The following C11orf87 variants were observed in gnomAD, a reference collection of about 807,000 sequenced individuals.
C11orf87 encodes the protein chromosome 11 open reading frame 87.
C11orf87 carries 3 observed loss-of-function variants against 9.2 expected under a neutral mutation model. The observed-to-expected ratio is 0.33, with a 90% confidence interval of 0.15 to 0.84. C11orf87 has a LOEUF of 0.84. C11orf87 is among the 40% of genes least tolerant of loss of function. The pLI is 0.55. For missense variants in C11orf87, 256 were observed against 270.7 expected (o/e 0.95, Z 0.38); for synonymous variants, 124 against 124.6 (o/e 1.00, Z 0.03).
At position 109,426,325 on chromosome 11, in the gene C11orf87, A is replaced by C. The variant is rs1378488345; in HGVS notation, c.*2098A>C. 1 of 152,238 alleles carries C rather than the reference A, an allele frequency of 6.6e-6. No individual in the cohort carries two copies. Among genetic ancestry groups the C allele is most frequent in the African/African-American group, 2.4e-5 (1 of 41,464 alleles). 9.4% of individuals were successfully genotyped at this position (152,238 alleles called of 1,614,324 possible). On this transcript the variant is annotated 3_prime_UTR_variant, in exon 2 of 2. Transcript: ENST00000327419. ...AGCAACTCATTGTTCTAAATTGTCTACTTGGTCCAGACATATGTGCTCTTA... is the reference window on the plus strand; with the variant it reads ...AGCAACTCATTGTTCTAAATTGTCTCCTTGGTCCAGACATATGTGCTCTTA...
At position 109,422,722 on chromosome 11, in the gene C11orf87, C is replaced by CTTT. The variant is rs772868114; in HGVS notation, c.-260+483_-260+485dup. On this transcript the variant is annotated intron_variant, in intron 1 of 1. Transcript: ENST00000327419. Reference sequence around the variant, plus strand: ...TCAGCTGAGAAAGATGCTTCAGCTGCTTTTTTTTTTTTTTTTTTTTTTTTT... The same window carrying CTTT: ...TCAGCTGAGAAAGATGCTTCAGCTGCTTTTTTTTTTTTTTTTTTTTTTTTTTTT... Among the ~76,000 whole-genome samples, 423 of 71,418 alleles carry CTTT rather than the reference C, an allele frequency of 5.9e-3. 56 individuals are homozygous for CTTT. Among genetic ancestry groups the CTTT allele is most frequent in the East Asian group, 0.029 (52 of 1,816 alleles). 46.9% of individuals were successfully genotyped at this position (71,418 alleles called of 152,430 possible). A position where few individuals can be genotyped will look rare whatever the true frequency, so the allele number is the denominator to read the frequency against.
Position 109,423,831 on chromosome 11 carries a change from C to T in C11orf87, c.198C>T (p.Val66=), listed in dbSNP as rs990484153. ...QSFSSTLVLI[V]LVTLIFCLIV... ...TCTCCTCCACGCTGGTGCTGATTGT[C>T]CTGGTTACCCTCATCTTCTGCCTCA... is the stretch of plus-strand genomic sequence containing the variant. Residue 66 remains valine, a synonymous_variant, in exon 2 of 2, where the codon GTC becomes GTT. Coordinates refer to ENST00000327419, the MANE Select transcript of C11orf87 (RefSeq NM_207645.4). The surrounding 1 kb of genome is among the most constrained non-coding windows in gnomAD (Gnocchi z 5.3). The T allele has an allele frequency of 2.1e-5, 34 of 1,614,020 alleles. No homozygotes were observed. The highest frequency in any genetic ancestry group is 2.2e-5 in the East Asian group (1 of 44,882).
At position 109,424,229 on chromosome 11, in the gene C11orf87, C is replaced by G. The variant is rs778774025; in HGVS notation, c.*2C>G. ...TTGCAAACGGTGGTACTGTCCTGAT[C>G]GTCTAGCCCCTCTCGTTCCCCGTCC... On this transcript the variant is annotated 3_prime_UTR_variant, in exon 2 of 2. Transcript: ENST00000327419. This position sits in a 1 kb window ranked among gnomAD's most constrained non-coding sequence, Gnocchi z 4.7. The G allele has an allele frequency of 3.1e-6, 5 of 1,606,378 alleles. No individual in the cohort carries two copies. Among genetic ancestry groups the G allele is most frequent in the Non-Finnish European group, 4.3e-6 (5 of 1,175,606 alleles).
In C11orf87 at chr11:109,427,441, A is replaced by G. The variant is rs1860588491; in HGVS notation, c.*3214A>G. The G allele has an allele frequency of 6.6e-6, 1 of 152,184 alleles. No homozygotes were observed. Among genetic ancestry groups the G allele is most frequent in the African/African-American group, 2.4e-5 (1 of 41,468 alleles). 9.4% of individuals were successfully genotyped at this position (152,184 alleles called of 1,614,324 possible). A position where few individuals can be genotyped will look rare whatever the true frequency, so the allele number is the denominator to read the frequency against. On this transcript the variant is annotated 3_prime_UTR_variant, in exon 2 of 2. Transcript: ENST00000327419. ...AAATTATTTCAATAAGCACATATCCAAGCAATTTGTACAGACCTTGTTTAA... is the reference window on the plus strand; with the variant it reads ...AAATTATTTCAATAAGCACATATCCGAGCAATTTGTACAGACCTTGTTTAA...
At position 109,425,343 on chromosome 11, in the gene C11orf87, T is replaced by A. The variant is rs1404924020; in HGVS notation, c.*1116T>A. Reference sequence around the variant, plus strand: ...ACTGAAAGTGCAGTATCTAACCAACTAGAACGTTTGTTTTATTTTTAGAAC... The same window carrying A: ...ACTGAAAGTGCAGTATCTAACCAACAAGAACGTTTGTTTTATTTTTAGAAC... On this transcript the variant is annotated 3_prime_UTR_variant, in exon 2 of 2. Coordinates refer to ENST00000327419, the MANE Select transcript of C11orf87 (RefSeq NM_207645.4). The A allele has an allele frequency of 1.2e-5, 2 of 167,008 alleles. No individual in the cohort carries two copies. Among genetic ancestry groups the A allele is most frequent in the African/African-American group, 4.8e-5 (2 of 41,436 alleles). The allele number at this position is 167,008 out of a possible 1,614,324, so 10.3% of individuals were successfully genotyped here.
chr11:109,422,915 G>A (rs958060691), intron 1 of C11orf87, among the ~76,000 whole-genome samples: 5 of 151,660 alleles, frequency 3.3e-5, no homozygotes, highest in African/African-American at 9.7e-5. Flanking sequence ...GAGTCTGGAC[G>A]GGGAGGGAAA....
In C11orf87 at chr11:109,424,177, T is replaced by C; in HGVS notation, c.544T>C (p.Cys182Arg). The C allele has an allele frequency of 6.2e-7, 1 of 1,614,216 alleles. No individual in the cohort carries two copies. Among genetic ancestry groups the C allele is most frequent in the Non-Finnish European group, 8.5e-7 (1 of 1,180,044 alleles). Residue 182 changes from cysteine to arginine, a missense_variant, in exon 2 of 2, where the codon TGT (cysteine) becomes CGT (arginine). Coordinates refer to ENST00000327419, the MANE Select transcript of C11orf87 (RefSeq NM_207645.4). This position sits in a 1 kb window ranked among gnomAD's most constrained non-coding sequence, Gnocchi z 4.7. The part of the protein sequence containing the change: ...SPQGAHAASS[C>R]LDTAGEGLLQ... ...CCAAGGAGCACACGCAGCTTCCTCC[T>C]GTTTGGACACAGCTGGCGAGGGCCT... is the stretch of plus-strand genomic sequence containing the variant.
chr11:109,428,833 T>G lies in C11orf87; in HGVS notation c.*4606T>G, dbSNP rs937289931. On this transcript the variant is annotated 3_prime_UTR_variant, in exon 2 of 2. Coordinates refer to ENST00000327419, the MANE Select transcript of C11orf87 (RefSeq NM_207645.4). ...CAACCTAATAATACAATTGGTGTCA[T>G]GTATGAATGCTTAGCTGACAATAAG... The G allele has an allele frequency of 1.3e-5, 2 of 152,212 alleles. No individual in the cohort carries two copies. Among genetic ancestry groups the G allele is most frequent in the South Asian group, 4.1e-4 (2 of 4,830 alleles). 9.4% of individuals were successfully genotyped at this position (152,212 alleles called of 1,614,324 possible).
At chr11:109,422,333 G>A (rs1451126862) in intron 1 of C11orf87, 70 bp downstream of exon 1, 2 of 166,100 alleles carry the variant, frequency 1.2e-5, no homozygotes, top group Non-Finnish European at 2.6e-5. Context: ...GAGTGGGGAG[G>A]ACAGCTCACG....
Position 109,428,407 on chromosome 11 carries a change from G to C in C11orf87, c.*4180G>C, listed in dbSNP as rs1057363303. The C allele has an allele frequency of 1.3e-5, 2 of 152,064 alleles. No homozygotes were observed. The highest frequency in any genetic ancestry group is 2.9e-5 in the Non-Finnish European group (2 of 67,964). The allele number at this position is 152,064 out of a possible 1,614,324, so 9.4% of individuals were successfully genotyped here. A position where few individuals can be genotyped will look rare whatever the true frequency, so the allele number is the denominator to read the frequency against. On this transcript the variant is annotated 3_prime_UTR_variant, in exon 2 of 2. Coordinates refer to ENST00000327419, the MANE Select transcript of C11orf87 (RefSeq NM_207645.4). ...CTATCTGTATCAATTGTATTAATTA[G>C]ATAATGGTTAAATTTTTATTTTTTT...
chr11:109,425,666 C>A lies in C11orf87; in HGVS notation c.*1439C>A, dbSNP rs1287378368. 1 of 156,544 alleles carries A rather than the reference C, an allele frequency of 6.4e-6. No individual in the cohort carries two copies. Among genetic ancestry groups the A allele is most frequent in the Non-Finnish European group, 1.5e-5 (1 of 68,052 alleles). The allele number at this position is 156,544 out of a possible 1,614,324, so 9.7% of individuals were successfully genotyped here. On this transcript the variant is annotated 3_prime_UTR_variant, in exon 2 of 2. Coordinates refer to ENST00000327419, the MANE Select transcript of C11orf87 (RefSeq NM_207645.4). ...CAGAAACAAACAAATAATGGATGTG[C>A]AAGAATGCCATCTATTAAAAACATG...
At chr11:109,422,521 A>G (rs1860505050) in intron 1 of C11orf87, among the ~76,000 whole-genome samples, 1 of 152,128 alleles carries the variant, frequency 6.6e-6, no homozygotes, top group Admixed American at 6.5e-5. Flanking sequence ...AGTATGCCGG[A>G]AAAGCCTCGG....
At position 109,424,465 on chromosome 11, in the gene C11orf87, TTTATA is replaced by T. The variant is rs1860543808; in HGVS notation, c.*239_*243del. On this transcript the variant is annotated 3_prime_UTR_variant, in exon 2 of 2. Transcript: ENST00000327419. This position sits in a 1 kb window ranked among gnomAD's most constrained non-coding sequence, Gnocchi z 4.7. Reference sequence around the variant, plus strand: ...CGCTGATAATAATACTTTATTAATATTTATAGTAATTATTATAATACTAATAACAC... The same window carrying T: ...CGCTGATAATAATACTTTATTAATATGTAATTATTATAATACTAATAACAC... 1 of 294,570 alleles carries T rather than the reference TTTATA, an allele frequency of 3.4e-6. No individual in the cohort carries two copies. Among genetic ancestry groups the T allele is most frequent in the African/African-American group, 2.2e-5 (1 of 45,256 alleles). The allele number at this position is 294,570 out of a possible 1,614,324, so 18.2% of individuals were successfully genotyped here. A position where few individuals can be genotyped will look rare whatever the true frequency, so the allele number is the denominator to read the frequency against.
rs1487226646 is a variant in C11orf87 at position 109,428,409 on chromosome 11, T to C, written c.*4182T>C. On this transcript the variant is annotated 3_prime_UTR_variant, in exon 2 of 2. Coordinates refer to ENST00000327419, the MANE Select transcript of C11orf87 (RefSeq NM_207645.4). ...ATCTGTATCAATTGTATTAATTAGA[T>C]AATGGTTAAATTTTTATTTTTTTAT... 1 of 152,176 alleles carries C rather than the reference T, an allele frequency of 6.6e-6. No individual in the cohort carries two copies. The highest frequency in any genetic ancestry group is 2.4e-5 in the African/African-American group (1 of 41,456). The allele number at this position is 152,176 out of a possible 1,614,324, so 9.4% of individuals were successfully genotyped here.
rs1185438791 is a variant in C11orf87, at chr11:109,427,215, T to C, written c.*2988T>C. 6.6e-6 allele frequency: 1 copy of C among 152,214 alleles called. No individual in the cohort carries two copies. Among genetic ancestry groups the C allele is most frequent in the African/African-American group, 2.4e-5 (1 of 41,458 alleles). 9.4% of individuals were successfully genotyped at this position (152,214 alleles called of 1,614,324 possible). A position where few individuals can be genotyped will look rare whatever the true frequency, so the allele number is the denominator to read the frequency against. On this transcript the variant is annotated 3_prime_UTR_variant, in exon 2 of 2. Coordinates refer to ENST00000327419, the MANE Select transcript of C11orf87 (RefSeq NM_207645.4). ...CTGTAATACACTTTTATTGTGCAAC[T>C]TTAAATGTGTGTGCCTTTCTCCATT...
rs1476879700 is a variant in C11orf87 at position 109,426,290 on chromosome 11, C to G, written c.*2063C>G. On this transcript the variant is annotated 3_prime_UTR_variant, in exon 2 of 2. Coordinates refer to ENST00000327419, the MANE Select transcript of C11orf87 (RefSeq NM_207645.4). Reference sequence around the variant, plus strand: ...AAGGCAACAGTGCCCCTATGAGCATCCCTCTCCCAAGCAACTCATTGTTCT... The same window carrying G: ...AAGGCAACAGTGCCCCTATGAGCATGCCTCTCCCAAGCAACTCATTGTTCT... The G allele has an allele frequency of 6.6e-6, 1 of 152,190 alleles. No individual in the cohort carries two copies. The highest frequency in any genetic ancestry group is 1.9e-4 in the East Asian group (1 of 5,188). The allele number at this position is 152,190 out of a possible 1,614,324, so 9.4% of individuals were successfully genotyped here.
At position 109,423,962 on chromosome 11, in the gene C11orf87, G is replaced by A. The variant is rs1860533133; in HGVS notation, c.329G>A (p.Arg110His). The change falls in exon 2 of 2, where the codon CGC becomes CAC. Residue 110 changes from arginine to histidine, a missense_variant. Physicochemically the swap from Arg to His is conservative, Grantham distance 29. Transcript: ENST00000327419. The surrounding 1 kb of genome is among the most constrained non-coding windows in gnomAD (Gnocchi z 5.3). The part of the protein sequence containing the change: ...EYERDHCSGS[R>H]GGGGLPRPGR... ...GAGCGGGATCACTGCAGCGGCAGCC[G>A]CGGTGGCGGGGGGCTGCCCCGACCT... 1.9e-6 allele frequency: 3 copies of A among 1,613,942 alleles called. No individual in the cohort carries two copies. The highest frequency in any genetic ancestry group is 1.7e-6 in the Non-Finnish European group (2 of 1,179,840).
Position 109,423,517 on chromosome 11 carries a change from C to A in C11orf87, c.-117C>A. 6.4e-6 allele frequency: 7 copies of A among 1,088,696 alleles called. No individual in the cohort carries two copies. The South Asian group carries it at 9.6e-5, about 15-fold the overall frequency. The allele number at this position is 1,088,696 out of a possible 1,614,324, so 67.4% of individuals were successfully genotyped here. ...AGTCCTTGGCTCGCTCGCACACCCCCTCCCGCTACAGGGAGCAGTTTTGGG... is the reference window on the plus strand; with the variant it reads ...AGTCCTTGGCTCGCTCGCACACCCCATCCCGCTACAGGGAGCAGTTTTGGG... On this transcript the variant is annotated 5_prime_UTR_variant, in exon 2 of 2. Transcript: ENST00000327419. This position sits in a 1 kb window ranked among gnomAD's most constrained non-coding sequence, Gnocchi z 5.3.
At position 109,423,953 on chromosome 11, in the gene C11orf87, G is replaced by C. The variant is rs147263611; in HGVS notation, c.320G>C (p.Ser107Thr). The stretch of plus-strand genomic sequence containing the variant: ...GAGGAATATGAGCGGGATCACTGCA[G>C]CGGCAGCCGCGGTGGCGGGGGGCTG... ...AQEEYERDHC[S>T]GSRGGGGLPR... is the part of the protein sequence containing the mutation. Residue 107 changes from serine (S) to threonine (T), a missense_variant, in exon 2 of 2, where the codon AGC (serine) becomes ACC (threonine). Physicochemically the swap from Ser to Thr is moderately conservative, Grantham distance 58. Coordinates refer to ENST00000327419, the MANE Select transcript of C11orf87 (RefSeq NM_207645.4). The surrounding 1 kb of genome is among the most constrained non-coding windows in gnomAD (Gnocchi z 5.3). 2.0e-5 allele frequency: 33 copies of C among 1,614,000 alleles called. No homozygotes were observed. The African/African-American group carries it at 3.7e-4, about 18-fold the overall frequency.
Sources: gnomAD v4.1 joint callset for allele counts (sites outside exome capture counted in the v4.1 genomes callset) on GRCh38, gnomAD v4.1.1 for gene constraint, Gnocchi (gnomAD v3.1) non-coding constraint, MANE v1.5 for transcripts, NCBI Gene and HGNC (gene_info 2026-07-23, HGNC 2026-07-21) for gene names.